The following SLITRK6 variants were observed in gnomAD, a reference collection of about 807,000 sequenced individuals.
SLITRK6 encodes the protein SLIT and NTRK-like protein 6.
Under a neutral mutation model 55.6 loss-of-function variants are expected in SLITRK6, and 35 were observed. The observed-to-expected ratio is 0.63, with a 90% CI of 0.48 to 0.83. SLITRK6 has a LOEUF of 0.83. Among genes scored for constraint, SLITRK6 ranks in the 40% least tolerant of loss-of-function variants. SLITRK6 has a pLI of 0.00. For synonymous variants in SLITRK6, 392 were observed against 359.6 expected (o/e 1.09, Z -1.02); for missense variants, 977 against 986.4 (o/e 0.99, Z 0.13).
In SLITRK6 at chr13:85,794,096, A is replaced by G. The variant is rs200882739; in HGVS notation, c.2413T>C (p.Tyr805His). Residue 805 changes from tyrosine to histidine, a missense_variant, in exon 2 of 2, where the codon TAC becomes CAC. By Grantham distance (83) the Tyr-to-His change is moderately conservative. Transcript: ENST00000647374. ...ACTAATACCTTCCTTGGACGTGAGT[A>G]CATTAATGTTTCCATTAACTTCAGC... ...EELKLMETLMYSRPRKVLVEQ... is the reference protein window; with the variant it reads ...EELKLMETLMHSRPRKVLVEQ... 253 of 1,613,064 alleles carry G rather than the reference A, an allele frequency of 1.6e-4. No individual in the cohort carries two copies. Among genetic ancestry groups the G allele is most frequent in the Middle Eastern group, 1.3e-3 (8 of 6,050 alleles).
Position 85,796,224 on chromosome 13 carries a change from A to C in SLITRK6, c.285T>G (p.Leu95=). ...SGLTNAISIH[L]GFNNIADIEI... ...CAATATCTGCAATATTGTTAAATCCAAGGTGTATTGAAATAGCATTGGTAA... is the reference window on the plus strand; with the variant it reads ...CAATATCTGCAATATTGTTAAATCCCAGGTGTATTGAAATAGCATTGGTAA... Residue 95 remains leucine, a synonymous_variant, in exon 2 of 2, where the codon CTT becomes CTG. Transcript: ENST00000647374. 6.2e-7 allele frequency: 1 copy of C among 1,613,134 alleles called. No individual in the cohort carries two copies. The highest frequency in any genetic ancestry group is 1.3e-5 in the African/African-American group (1 of 74,964).
Position 85,793,686 on chromosome 13 carries a change from A to T in SLITRK6, c.*297T>A, listed in dbSNP as rs1026038434. On this transcript the variant is annotated 3_prime_UTR_variant, in exon 2 of 2. Transcript: ENST00000647374. Reference sequence around the variant, plus strand: ...GGATACTTAAATGTTCAGCCTTTTTAGATGTGCAAGAGGACTCCTATGAGA... The same window carrying T: ...GGATACTTAAATGTTCAGCCTTTTTTGATGTGCAAGAGGACTCCTATGAGA... 1 of 256,670 alleles carries T rather than the reference A, an allele frequency of 3.9e-6. No individual in the cohort carries two copies. Among genetic ancestry groups the T allele is most frequent in the Admixed American group, 4.9e-5 (1 of 20,440 alleles). The allele number at this position is 256,670 out of a possible 1,614,324, so 15.9% of individuals were successfully genotyped here. A position where few individuals can be genotyped will look rare whatever the true frequency, so the allele number is the denominator to read the frequency against.
chr13:85,798,183 CTT>C (rs1238948738), intron 1 of SLITRK6, among the ~76,000 whole-genome samples: 1 of 151,888 alleles, frequency 6.6e-6, no homozygotes, highest in African/African-American at 2.4e-5. Flanking sequence ...TTTTAAACAG[CTT>C]TGTGTGCTGA....
In SLITRK6 at chr13:85,796,441, G is replaced by T. The variant is rs1283861921; in HGVS notation, c.68C>A (p.Pro23Gln). 6.2e-7 allele frequency: 1 copy of T among 1,604,646 alleles called. No homozygotes were observed. Among genetic ancestry groups the T allele is most frequent in the Admixed American group, 1.7e-5 (1 of 57,864 alleles). ...ACAAGAGCCTCTGGATGAGAGCACT[G>T]GAGTTTGGGAGTGTAAAGATATACA... ...LACISLHSQT[P>Q]VLSSRGSCDS... The change falls in exon 2 of 2, where the codon CCA (proline) becomes CAA (glutamine). Residue 23 changes from proline (P) to glutamine (Q), a missense_variant. By Grantham distance (76) the Pro-to-Gln change is moderately conservative. Coordinates refer to ENST00000647374, the MANE Select transcript of SLITRK6 (RefSeq NM_032229.3).
Position 85,799,262 on chromosome 13 carries a change from A to C in SLITRK6, c.-373T>G, listed in dbSNP as rs1017023266. On this transcript the variant is annotated 5_prime_UTR_variant, in exon 1 of 2. Transcript: ENST00000647374. ...AGCTGCTGAATGCAGTAAGTAAACA[A>C]GATGTTTAACAGAGCTGAGATTGAT... The C allele has an allele frequency of 6.6e-6, 1 of 152,036 alleles. No individual in the cohort carries two copies. Among genetic ancestry groups the C allele is most frequent in the Non-Finnish European group, 1.5e-5 (1 of 68,006 alleles). 9.4% of individuals were successfully genotyped at this position (152,036 alleles called of 1,614,324 possible). A position where few individuals can be genotyped will look rare whatever the true frequency, so the allele number is the denominator to read the frequency against.
chr13:85,793,856 T>A lies in SLITRK6; in HGVS notation c.*127A>T. On this transcript the variant is annotated 3_prime_UTR_variant, in exon 2 of 2. Coordinates refer to ENST00000647374, the MANE Select transcript of SLITRK6 (RefSeq NM_032229.3). ...TGAGTTTCTTTTTCTTCTTCTTTTT[T>A]TTTCCCCATAGTTTACTGCTGTGCT... 1 of 1,109,786 alleles carries A rather than the reference T, an allele frequency of 9.0e-7. No individual in the cohort carries two copies. The highest frequency in any genetic ancestry group is 1.2e-6 in the Non-Finnish European group (1 of 814,420). The allele number at this position is 1,109,786 out of a possible 1,614,324, so 68.7% of individuals were successfully genotyped here.
At position 85,794,918 on chromosome 13, in the gene SLITRK6, A is replaced by T; in HGVS notation, c.1591T>A (p.Trp531Arg). ...GTGTTCTTGCTTAACTTTTGTATCC[A>T]TTGCTGCAGTCCAACCAGGTCACAG... ...CSCDLVGLQQ[W>R]IQKLSKNTVT... Residue 531 changes from tryptophan to arginine, a missense_variant, in exon 2 of 2, where the codon TGG (tryptophan) becomes AGG (arginine). Physicochemically the swap from Trp to Arg is moderately radical, Grantham distance 101. Transcript: ENST00000647374. 6.2e-7 allele frequency: 1 copy of T among 1,613,062 alleles called. No individual in the cohort carries two copies. The highest frequency in any genetic ancestry group is 8.5e-7 in the Non-Finnish European group (1 of 1,179,488).
intron 1 of SLITRK6, among the ~76,000 whole-genome samples, chr13:85,798,191 G>A (rs146873049): frequency 1.3e-5 from 2 of 152,046 alleles, no homozygotes; most frequent in African/African-American, 4.8e-5. Flanking sequence ...AGCTTTGTGT[G>A]CTGAGTTTAT....
chr13:85,796,633 A>G, intron 1 of SLITRK6, 101 bp from the exon 2 acceptor site: 2 of 941,614 alleles, frequency 2.1e-6, no homozygotes, highest in South Asian at 6.6e-5. Context: ...CAAAAAGCAA[A>G]TGACGGATTA....
intron 1 of SLITRK6, among the ~76,000 whole-genome samples, chr13:85,797,151 C>CTATATATATA (rs10694306): frequency 0.068 from 9,816 of 144,954 alleles, 494 homozygotes; most frequent in Non-Finnish European, 0.11. Context: ...TCGGTTTTGG[C>CTATATATATA]TATATATATA....
In SLITRK6 at chr13:85,796,513, T is replaced by A. The variant is rs552190751; in HGVS notation, c.-5A>T. ...GAGATGAATCCACAGCTTCATGTTG[T>A]CATGTGATGAAATCCGATTCTGTAA... On this transcript the variant is annotated 5_prime_UTR_variant, in exon 2 of 2. Transcript: ENST00000647374. 3.9e-6 allele frequency: 6 copies of A among 1,519,200 alleles called. No individual in the cohort carries two copies. The highest frequency in any genetic ancestry group is 5.3e-6 in the Non-Finnish European group (6 of 1,138,216). 94.1% of individuals were successfully genotyped at this position (1,519,200 alleles called of 1,614,324 possible).
At position 85,794,880 on chromosome 13, in the gene SLITRK6, G is replaced by A. The variant is rs375655378; in HGVS notation, c.1629C>T (p.Asp543=). Residue 543 remains aspartate (D), a synonymous_variant, in exon 2 of 2, where the codon GAC becomes GAT. Coordinates refer to ENST00000647374, the MANE Select transcript of SLITRK6 (RefSeq NM_032229.3). ...QKLSKNTVTD[D]ILCTSPGHLD... Reference sequence around the variant, plus strand: ...GATGCCCGGGGGAAGTGCAGAGGATGTCATCTGTCACTGTGTTCTTGCTTA... The same window carrying A: ...GATGCCCGGGGGAAGTGCAGAGGATATCATCTGTCACTGTGTTCTTGCTTA... 3 of 1,612,978 alleles carry A rather than the reference G, an allele frequency of 1.9e-6. No individual in the cohort carries two copies. Among genetic ancestry groups the A allele is most frequent in the African/African-American group, 2.7e-5 (2 of 74,842 alleles).
At chr13:85,797,249 CTT>C (rs992986822) in intron 1 of SLITRK6, among the ~76,000 whole-genome samples, 1 of 151,200 alleles carries the variant, frequency 6.6e-6, no homozygotes, top group Non-Finnish European at 1.5e-5. Flanking sequence ...TATAAGAACT[CTT>C]TTAACTATTC....
At position 85,798,928 on chromosome 13, in the gene SLITRK6, C is replaced by T. The variant is rs1874801186; in HGVS notation, c.-39G>A. On this transcript the variant is annotated 5_prime_UTR_variant, in exon 1 of 2. Transcript: ENST00000647374. Reference sequence around the variant, plus strand: ...ATTCATCTTACCTGTAAAGCAGAGACTCTTCCTGACGTTATCTGTAATGCA... The same window carrying T: ...ATTCATCTTACCTGTAAAGCAGAGATTCTTCCTGACGTTATCTGTAATGCA... The T allele has an allele frequency of 6.6e-6, 1 of 151,838 alleles. No individual in the cohort carries two copies. The highest frequency in any genetic ancestry group is 2.4e-5 in the African/African-American group (1 of 41,386). The allele number at this position is 151,838 out of a possible 1,614,324, so 9.4% of individuals were successfully genotyped here. A position where few individuals can be genotyped will look rare whatever the true frequency, so the allele number is the denominator to read the frequency against.
chr13:85,798,328 A>G (rs779648131), intron 1 of SLITRK6, among the ~76,000 whole-genome samples: 1 of 151,964 alleles, frequency 6.6e-6, no homozygotes, highest in Non-Finnish European at 1.5e-5. Context: ...CAGAGAAAAT[A>G]GTAAATAATT....
rs200379974 is a variant in SLITRK6, at chr13:85,794,488, G to A, written c.2021C>T (p.Ser674Phe). 2.2e-5 allele frequency: 36 copies of A among 1,613,400 alleles called. No homozygotes were observed. In the African/African-American group the frequency reaches 4.8e-4, roughly 22 times the overall value. The stretch of plus-strand genomic sequence containing the variant: ...CATGTGCTGTTCATAGAGTGAGGCA[G>A]AGGGTCTTTCAGTAGTGTGATGAGT... ...KTTHHTTERP[S>F]ASLYEQHMVS... The change falls in exon 2 of 2, where the codon TCT (serine) becomes TTT (phenylalanine). Residue 674 changes from serine to phenylalanine, a missense_variant. Physicochemically the swap from Ser to Phe is radical, Grantham distance 155. Coordinates refer to ENST00000647374, the MANE Select transcript of SLITRK6 (RefSeq NM_032229.3).
chr13:85,796,725 G>C (rs1246385916), intron 1 of SLITRK6, among the ~76,000 whole-genome samples, 193 bp from the exon 2 acceptor site: 1 of 148,864 alleles, frequency 6.7e-6, no homozygotes, highest in Admixed American at 6.8e-5. Context: ...GGCAAGTCTG[G>C]CTGACTTTTA....
chr13:85,794,531 T>G lies in SLITRK6; in HGVS notation c.1978A>C (p.Met660Leu), dbSNP rs769986637. The G allele has an allele frequency of 1.2e-6, 2 of 1,613,246 alleles. No individual in the cohort carries two copies. Among genetic ancestry groups the G allele is most frequent in the Non-Finnish European group, 1.7e-6 (2 of 1,179,562 alleles). ...TGATGAGTGGTTTTATGGCCATACA[T>G]GCTGTACTGAAGATGCACAGGACTG... ...DNSPVHLQYS[M>L]YGHKTTHHTT... The change falls in exon 2 of 2, where the codon ATG becomes CTG. Residue 660 changes from methionine (M) to leucine (L), a missense_variant. Physicochemically the swap from Met to Leu is conservative, Grantham distance 15 (BLOSUM62 2). Coordinates refer to ENST00000647374, the MANE Select transcript of SLITRK6 (RefSeq NM_032229.3).
In SLITRK6 at chr13:85,796,470, A is replaced by T. The variant is rs74104527; in HGVS notation, c.39T>A (p.Leu13=). Residue 13 remains leucine (L), a synonymous_variant, in exon 2 of 2, where the codon CTT becomes CTA. Coordinates refer to ENST00000647374, the MANE Select transcript of SLITRK6 (RefSeq NM_032229.3). ...TTTGGGAGTGTAAAGATATACAGGC[A>T]AGGAGAGATGAATAAAAGAGATGAA... ...LWIHLFYSSL[L]ACISLHSQTP... The T allele has an allele frequency of 1.4e-3, 2,197 of 1,575,392 alleles. 36 individuals carry two copies. In the African/African-American group the frequency reaches 0.027, roughly 19 times the overall value.
Sources: allele counts gnomAD v4.1 joint callset (sites outside exome capture counted in the v4.1 genomes callset), GRCh38; gene constraint gnomAD v4.1.1; transcripts MANE v1.5; gene names NCBI Gene and HGNC (gene_info 2026-07-23, HGNC 2026-07-21).